MACF1: variants seen among roughly 807,000 people sequenced by gnomAD.
MACF1 encodes the protein microtubule actin crosslinking factor 1.
A neutral mutation model predicts 854.8 loss-of-function variants in MACF1; 193 were observed. The ratio of observed to expected loss-of-function variants is 0.23; its 90% CI spans 0.20 to 0.25. MACF1 has a LOEUF of 0.25. MACF1 is among the 10% of genes least tolerant of loss of function. The pLI, the probability that MACF1 is intolerant of heterozygous loss-of-function variation, is 1.00. For missense variants in MACF1, 7,722 were observed against 8,929.1 expected (o/e 0.86, Z 5.45); for synonymous variants, 3,185 against 3,226.7 (o/e 0.99, Z 0.44).
intron 2 of MACF1, among the ~76,000 whole-genome samples, chr1:39,142,970 A>G (rs1282911772): frequency 6.6e-6 from 1 of 152,174 alleles, no homozygotes; most frequent in East Asian, 1.9e-4. Context: ...CCTACTTTTC[A>G]GGGACAATTA....
Position 39,333,419 on chromosome 1 carries a change from A to G in MACF1, c.6831A>G (p.Leu2277=), listed in dbSNP as rs1646760965. The G allele has an allele frequency of 1.9e-6, 3 of 1,614,064 alleles. No homozygotes were observed. The highest frequency in any genetic ancestry group is 1.7e-5 in the Admixed American group (1 of 60,006). Residue 2277 remains leucine, a synonymous_variant, in exon 37 of 101, where the codon TTA becomes TTG. Coordinates refer to ENST00000564288, the MANE Select transcript of MACF1 (RefSeq NM_001394062.1). ...REIFLSCSHP[L]ELLEEATLNV... ...TTTTTCTGTCATGCAGTCATCCATT[A>G]GAATTGCTTGAAGAAGCTACCTTAA...
intron 2 of MACF1, among the ~76,000 whole-genome samples, chr1:39,109,210 G>T (rs1335282462): frequency 1.3e-5 from 2 of 152,092 alleles, no homozygotes; most frequent in Non-Finnish European, 2.9e-5. Context: ...AATTTCTTGG[G>T]ATTCATGAGA....
chr1:39,351,490 A>G (rs11586824), intron 43 of MACF1, among the ~76,000 whole-genome samples: 13,110 of 151,506 alleles, frequency 0.087, 777 homozygotes, highest in Non-Finnish European at 0.13. Flanking sequence ...ACATCTTGCT[A>G]TCTGTATACT....
chr1:39,290,153 T>C (rs1261004087), intron 15 of MACF1, among the ~76,000 whole-genome samples: 1 of 152,212 alleles, frequency 6.6e-6, no homozygotes, highest in African/African-American at 2.4e-5. Context: ...TGGTGTTTTC[T>C]TGTAGTAGTT....
chr1:39,091,025 T>G (rs530440507), intron 2 of MACF1, among the ~76,000 whole-genome samples: 2 of 152,170 alleles, frequency 1.3e-5, no homozygotes, highest in Admixed American at 1.3e-4. Flanking sequence ...AGGAGCAGAA[T>G]AGGTGTCCCT....
At chr1:39,304,570 T>A in intron 23 of MACF1, 1 of 867,342 alleles carries the variant, frequency 1.2e-6, no homozygotes, top group East Asian at 2.9e-5. Context: ...TCTTTCTTTT[T>A]TTTTTTTTCT....
chr1:39,432,730 A>G lies in MACF1; in HGVS notation c.17457+76A>G. On this transcript the variant is annotated intron_variant, in intron 67 of 100. Transcript: ENST00000564288. ...GACTAGGAGAGTTTCTGACTATCCC[A>G]TGTCAAGTGGAATAATTTAGTGGCA... 4 of 1,418,376 alleles carry G rather than the reference A, an allele frequency of 2.8e-6. No individual in the cohort carries two copies. The South Asian group carries it at 5.6e-5, about 20-fold the overall frequency. 87.9% of individuals were successfully genotyped at this position (1,418,376 alleles called of 1,614,324 possible).
chr1:39,165,269 G>T (rs1445313191), intron 2 of MACF1, among the ~76,000 whole-genome samples: 1 of 152,174 alleles, frequency 6.6e-6, no homozygotes, highest in African/African-American at 2.4e-5. Context: ...TCTCTCCACT[G>T]CAGGGAATCT....
In MACF1 at chr1:39,332,900, G is replaced by C; in HGVS notation, c.6312G>C (p.Glu2104Asp). Residue 2104 changes from glutamate (E) to aspartate (D), a missense_variant, in exon 37 of 101, where the codon GAG (glutamate) becomes GAC (aspartate). Glu to Asp is a conservative substitution (Grantham distance 45). Around this residue, in one of 15 missense-constraint regions of MACF1, gnomAD observed 1,531 missense variants for 1,601.6 expected, o/e 0.96. Transcript: ENST00000564288. ...ALKVINKVKL[E>D]VQRQLIGTQR... is the part of the protein sequence containing the mutation. ...AGGTAATAAATAAAGTCAAATTAGAGGTACAAAGGCAGTTGATAGGTACCC... is the reference window on the plus strand; with the variant it reads ...AGGTAATAAATAAAGTCAAATTAGACGTACAAAGGCAGTTGATAGGTACCC... The C allele has an allele frequency of 6.2e-7, 1 of 1,614,056 alleles. No individual in the cohort carries two copies. The highest frequency in any genetic ancestry group is 8.5e-7 in the Non-Finnish European group (1 of 1,180,020).
At chr1:39,230,627 A>G (rs1006010139) in intron 1 of MACF1, among the ~76,000 whole-genome samples, 1 of 151,334 alleles carries the variant, frequency 6.6e-6, no homozygotes, top group Non-Finnish European at 1.5e-5. Context: ...TGCTGCTGTG[A>G]CAGGAGAAGG....
At chr1:39,160,890 G>C (rs1251177623) in intron 2 of MACF1, among the ~76,000 whole-genome samples, 1 of 152,126 alleles carries the variant, frequency 6.6e-6, no homozygotes, top group Non-Finnish European at 1.5e-5. Flanking sequence ...TATTCCAGAA[G>C]GGCTGATGGA....
rs1279977906 is a variant in MACF1 at position 39,434,454 on chromosome 1, G to A, written c.17606G>A (p.Ser5869Asn). 1.2e-6 allele frequency: 2 copies of A among 1,601,706 alleles called. No individual in the cohort carries two copies. The highest frequency in any genetic ancestry group is 1.7e-6 in the Non-Finnish European group (2 of 1,176,128). Residue 5869 changes from serine (S) to asparagine (N), a missense_variant, in exon 69 of 101, where the codon AGC becomes AAC. Transcript: ENST00000564288. ...ESLIQQYEAISLLNSERYARL... is the reference protein window; with the variant it reads ...ESLIQQYEAINLLNSERYARL... ...CTAATACAGCAATATGAAGCCATTA[G>A]CCTACTCAATTCAGAGCGTTATGCC...
Position 39,334,886 on chromosome 1 carries a change from C to A in MACF1, c.8298C>A (p.Phe2766Leu), listed in dbSNP as rs144022503. The A allele has an allele frequency of 0.016, 25,167 of 1,614,108 alleles. 269 individuals are homozygous for A. The highest frequency in any genetic ancestry group is 0.018 in the Non-Finnish European group (21,238 of 1,180,008). Reference protein sequence around the residue: ...ANMIQIDSSEFSDHRAQIEKQ... With the variant: ...ANMIQIDSSELSDHRAQIEKQ... ...TGATCCAAATAGATAGTTCAGAGTT[C>A]AGCGATCACAGGGCTCAGATTGAAA... Residue 2766 changes from phenylalanine (F) to leucine (L), a missense_variant, in exon 37 of 101, where the codon TTC (phenylalanine) becomes TTA (leucine). By Grantham distance (22) the Phe-to-Leu change is conservative. Around this residue, in one of 15 missense-constraint regions of MACF1, gnomAD observed 1,531 missense variants for 1,601.6 expected, o/e 0.96. Transcript: ENST00000564288.
At chr1:39,442,624 A>G in intron 77 of MACF1, 57 bp downstream of exon 77, 1 of 1,603,536 alleles carries the variant, frequency 6.2e-7, no homozygotes, top group African/African-American at 1.3e-5. Flanking sequence ...AGATGCTGCC[A>G]CCAGCAGCCT....
chr1:39,131,188 G>T (rs1642995955), intron 2 of MACF1, among the ~76,000 whole-genome samples: 1 of 95,088 alleles, frequency 1.1e-5, no homozygotes, highest in Non-Finnish European at 2.0e-5. Context: ...TTAAGAGACA[G>T]AGTCTTGTTC....
In MACF1 at chr1:39,335,337, A is replaced by G; in HGVS notation, c.8749A>G (p.Ile2917Val). 1.2e-6 allele frequency: 2 copies of G among 1,613,946 alleles called. No homozygotes were observed. Among genetic ancestry groups the G allele is most frequent in the South Asian group, 1.1e-5 (1 of 91,026 alleles). Residue 2917 changes from isoleucine to valine, a missense_variant, in exon 37 of 101, where the codon ATA becomes GTA. By Grantham distance (29) the Ile-to-Val change is conservative. This residue lies in a region of MACF1 where 854 missense variants were observed against 852.6 expected (regional missense o/e 1.00). Coordinates refer to ENST00000564288, the MANE Select transcript of MACF1 (RefSeq NM_001394062.1). ...NEEQEKAVTK[I>V]EIISHMKQST... Reference sequence around the variant, plus strand: ...AGAGCAGGAAAAAGCAGTGACAAAAATAGAAATTATTTCTCATATGAAGCA... The same window carrying G: ...AGAGCAGGAAAAAGCAGTGACAAAAGTAGAAATTATTTCTCATATGAAGCA...
chr1:39,411,704 T>G (rs1480501819), intron 58 of MACF1: 3 of 1,613,756 alleles, frequency 1.9e-6, no homozygotes, highest in Non-Finnish European at 1.7e-6. Context: ...GAAGAAGGAG[T>G]AACTCCTCTA....
At chr1:39,180,530 C>T (rs572046047) in intron 2 of MACF1, among the ~76,000 whole-genome samples, 7 of 152,222 alleles carry the variant, frequency 4.6e-5, no homozygotes, top group South Asian at 2.1e-4. Flanking sequence ...ACAGGAGAAT[C>T]GCTTGAATCT....
At chr1:39,243,376 C>T (rs1407313178) in intron 2 of MACF1, among the ~76,000 whole-genome samples, 2 of 152,150 alleles carry the variant, frequency 1.3e-5, no homozygotes, top group African/African-American at 2.4e-5. Flanking sequence ...GATTCCTGAA[C>T]AGTCTTGCTT....
Sources: gnomAD v4.1 joint callset for allele counts (sites outside exome capture counted in the v4.1 genomes callset) on GRCh38, gnomAD v4.1.1 for gene constraint, gnomAD v4.1.1 regional missense constraint, MANE v1.5 for transcripts, NCBI Gene and HGNC (gene_info 2026-07-23, HGNC 2026-07-21) for gene names.